Variants in UBAP2 observed in about 807,000 individuals in gnomAD.
UBAP2 encodes ubiquitin-associated protein 2.
A neutral mutation model predicts 139.6 loss-of-function variants in UBAP2; 75 were observed. The ratio of observed to expected loss-of-function variants is 0.54; its 90% CI spans 0.45 to 0.65. The LOEUF is 0.65. Among genes scored for constraint, UBAP2 ranks in the 30% least tolerant of loss-of-function variants. The probability of loss-of-function intolerance (pLI) is 0.00; values close to 1 mark genes in which losing one functional copy is unlikely to be tolerated. For missense variants in UBAP2, 1,368 were observed against 1,369.6 expected (o/e 1.00, Z 0.02); for synonymous variants, 526 against 526.2 (o/e 1.00, Z 0.01).
intron 20 of UBAP2, among the ~76,000 whole-genome samples, chr9:33,927,372 A>G (rs1823535432): frequency 6.6e-6 from 1 of 152,158 alleles, no homozygotes; most frequent in African/African-American, 2.4e-5. Context: ...TATAAAAAGA[A>G]TCTGCCTCCT....
intron 1 of UBAP2, among the ~76,000 whole-genome samples, chr9:34,032,677 A>T (rs983630434): frequency 6.6e-6 from 1 of 152,046 alleles, no homozygotes; most frequent in African/African-American, 2.4e-5. Context: ...TAATTCCAGC[A>T]CTTTGGGAGG....
At chr9:33,983,766 G>A (rs750323827) in intron 6 of UBAP2, among the ~76,000 whole-genome samples, 27 of 152,290 alleles carry the variant, frequency 1.8e-4, no homozygotes, top group Middle Eastern at 6.8e-3. Flanking sequence ...ACAATAGTAA[G>A]TTTGAAACTT....
intron 6 of UBAP2, among the ~76,000 whole-genome samples, chr9:33,984,738 G>A: frequency 6.6e-6 from 1 of 150,544 alleles, no homozygotes. Context: ...ATGGCCAAAA[G>A]GTACACAAAA....
chr9:34,029,785 C>G (rs111930223), intron 1 of UBAP2, among the ~76,000 whole-genome samples: 2 of 149,372 alleles, frequency 1.3e-5, no homozygotes, highest in African/African-American at 4.9e-5. Context: ...ATCAGGAGTT[C>G]GAGATCAGCC....
At chr9:33,987,952 A>G (rs1213860355) in intron 5 of UBAP2, among the ~76,000 whole-genome samples, 1 of 152,172 alleles carries the variant, frequency 6.6e-6, no homozygotes, top group Non-Finnish European at 1.5e-5. Flanking sequence ...CTATATTGGC[A>G]TTAATAGCTC....
intron 4 of UBAP2, among the ~76,000 whole-genome samples, chr9:33,991,882 A>G (rs1821740846): frequency 6.6e-6 from 1 of 152,206 alleles, no homozygotes; most frequent in Admixed American, 6.5e-5. Flanking sequence ...AGCCTCGCCG[A>G]AAGGTACTCT....
chr9:33,929,740 G>A (rs1010296331), intron 19 of UBAP2, among the ~76,000 whole-genome samples: 7 of 152,208 alleles, frequency 4.6e-5, no homozygotes, highest in African/African-American at 9.6e-5. Flanking sequence ...GGTGGCTCAC[G>A]CCTGTAATCC....
At chr9:33,964,236 A>G (rs1220704479) in intron 8 of UBAP2, among the ~76,000 whole-genome samples, 4 of 152,212 alleles carry the variant, frequency 2.6e-5, no homozygotes, top group African/African-American at 7.2e-5. Flanking sequence ...TCCTGGACTC[A>G]TAACTCTCTT....
chr9:33,959,284 C>T (rs539513399), intron 10 of UBAP2, among the ~76,000 whole-genome samples: 1 of 152,238 alleles, frequency 6.6e-6, no homozygotes, highest in African/African-American at 2.4e-5. Context: ...CAAGGAACAA[C>T]GCCCTGCCTA....
chr9:33,964,713 T>TAA (rs201230777), intron 8 of UBAP2, among the ~76,000 whole-genome samples: 3 of 146,332 alleles, frequency 2.1e-5, no homozygotes, highest in African/African-American at 5.0e-5. Flanking sequence ...CCCCATCTCT[T>TAA]AAAAAAAAAA....
chr9:33,945,483 G>A (rs1269480947), intron 13 of UBAP2, among the ~76,000 whole-genome samples: 8 of 129,504 alleles, frequency 6.2e-5, no homozygotes, highest in Admixed American at 2.5e-4. Context: ...CTGGGTGACA[G>A]ACTGGGTGAC....
Position 34,035,881 on chromosome 9 carries a change from T to C in UBAP2, c.-42+12944A>G, listed in dbSNP as rs1472144356. On this transcript the variant is annotated intron_variant, in intron 1 of 28. Transcript: ENST00000379238. ...CCACAGGCATGTTTACTCAAGGACATACTGCACATTCTCTCTTTTTTTTTT... is the reference window on the plus strand; with the variant it reads ...CCACAGGCATGTTTACTCAAGGACACACTGCACATTCTCTCTTTTTTTTTT... Among the ~76,000 whole-genome samples the C allele has an allele frequency of 2.2e-5, 3 of 134,990 alleles. No individual in the cohort carries two copies. The East Asian group carries it at 7.4e-4, about 33-fold the overall frequency. 88.6% of individuals were successfully genotyped at this position (134,990 alleles called of 152,430 possible). A position where few individuals can be genotyped will look rare whatever the true frequency, so the allele number is the denominator to read the frequency against.
At chr9:33,960,967 GA>G (rs1187394095) in intron 9 of UBAP2, 89 bp from the exon 10 acceptor site, 2 of 1,292,166 alleles carry the variant, frequency 1.5e-6, no homozygotes, top group Non-Finnish European at 1.1e-6. Context: ...ACTATGCGGG[GA>G]AAAAAGATAC....
intron 1 of UBAP2, among the ~76,000 whole-genome samples, chr9:34,027,534 A>G (rs1254520426): frequency 1.3e-5 from 2 of 150,802 alleles, no homozygotes; most frequent in Non-Finnish European, 3.0e-5. Context: ...CCTGGGCAAC[A>G]CAGTGAGACC....
chr9:34,043,179 T>C (rs1363694730), intron 1 of UBAP2, among the ~76,000 whole-genome samples: 1 of 152,150 alleles, frequency 6.6e-6, no homozygotes, highest in Non-Finnish European at 1.5e-5. Flanking sequence ...GTATGCTGTT[T>C]TTTGGGTTTT....
Position 33,953,316 on chromosome 9 carries a change from GT to G in UBAP2, c.1024del (p.Thr342LeufsTer39), listed in dbSNP as rs1190501267. ...CTGAGGAGAACAGGAGTTGACGGCA[GT>G]GGAGCTGCCAGTCCCTGGTGCCATC... is the stretch of plus-strand genomic sequence containing the variant. ...NQMAPGTGSSTAVNSCSPQSL... is the reference protein window; with the variant it reads ...NQMAPGTGSSXAVNSCSPQSL... On this transcript the variant is annotated frameshift_variant, in exon 12 of 29. Coordinates refer to ENST00000379238, the MANE Select transcript of UBAP2 (RefSeq NM_001370062.2). LOFTEE classifies it high-confidence loss of function. 6.2e-7 allele frequency: 1 copy of G among 1,614,092 alleles called. No individual in the cohort carries two copies. The highest frequency in any genetic ancestry group is 1.3e-5 in the African/African-American group (1 of 74,952).
At position 33,980,220 on chromosome 9, in the gene UBAP2, C is replaced by CTTTTTTTTTTTTTTTTTTTTTTTTT. The variant is rs1173781682; in HGVS notation, c.520+6515_520+6539dup. 4.9e-4 allele frequency among the ~76,000 whole-genome samples: 24 copies of CTTTTTTTTTTTTTTTTTTTTTTTTT among 49,136 alleles called. 6 individuals are homozygous for CTTTTTTTTTTTTTTTTTTTTTTTTT. The highest frequency in any genetic ancestry group is 8.0e-4 in the Non-Finnish European group (22 of 27,466). The allele number at this position is 49,136 out of a possible 152,430, so 32.2% of individuals were successfully genotyped here. A position where few individuals can be genotyped will look rare whatever the true frequency, so the allele number is the denominator to read the frequency against. On this transcript the variant is annotated intron_variant, in intron 6 of 28. Transcript: ENST00000379238. ...TTAATCCAAATCCTGAGTGTCATTTCTTTTTTTTTTTTTTTTTTTTTTTTT... is the reference window on the plus strand; with the variant it reads ...TTAATCCAAATCCTGAGTGTCATTTCTTTTTTTTTTTTTTTTTTTTTTTTTTTTTTTTTTTTTTTTTTTTTTTTTT...
intron 12 of UBAP2, among the ~76,000 whole-genome samples, chr9:33,949,288 A>C (rs1046631325): frequency 2.0e-5 from 3 of 152,364 alleles, no homozygotes; most frequent in Admixed American, 6.5e-5. Flanking sequence ...TACATGACAA[A>C]GATATGCTTG....
intron 15 of UBAP2, 112 bp from the exon 16 acceptor site, chr9:33,941,974 C>T (rs544752230): frequency 2.2e-5 from 16 of 712,126 alleles, no homozygotes; most frequent in Non-Finnish European, 3.7e-5. Context: ...ATTTATTATC[C>T]CAAATGAGAC....
Sources: gnomAD v4.1 joint callset for allele counts (sites outside exome capture counted in the v4.1 genomes callset) on GRCh38, gnomAD v4.1.1 for gene constraint, MANE v1.5 for transcripts, NCBI Gene and HGNC (gene_info 2026-07-23, HGNC 2026-07-21) for gene names.